Variants in EPHA4 observed in about 807,000 individuals in gnomAD.
EPHA4 encodes the protein ephrin type-A receptor 4.
Under a neutral mutation model 108.3 loss-of-function variants are expected in EPHA4, and 19 were observed. That is an observed-to-expected ratio of 0.18 (90% confidence interval 0.12 to 0.26). The LOEUF is 0.26. Ranked by LOEUF, EPHA4 falls within the 10% of genes least tolerant of loss-of-function variation. The pLI, the probability that EPHA4 is intolerant of heterozygous loss-of-function variation, is 1.00. For missense variants in EPHA4, 917 were observed against 1,254.0 expected (o/e 0.73, Z 4.06); for synonymous variants, 449 against 455.5 (o/e 0.99, Z 0.18).
chr2:221,509,069 C>T (rs1692725359), intron 3 of EPHA4, among the ~76,000 whole-genome samples: 1 of 152,226 alleles, frequency 6.6e-6, no homozygotes, highest in South Asian at 2.1e-4. Context: ...TGGCTCACAC[C>T]TGTAATCCCA....
chr2:221,555,651 G>C (rs1694283089), intron 3 of EPHA4, among the ~76,000 whole-genome samples: 1 of 152,192 alleles, frequency 6.6e-6, no homozygotes, highest in African/African-American at 2.4e-5. Context: ...AGAGGTACCA[G>C]CTGTAACAGG....
At chr2:221,560,606 C>G (rs978030716) in intron 3 of EPHA4, among the ~76,000 whole-genome samples, 1 of 152,108 alleles carries the variant, frequency 6.6e-6, no homozygotes, top group Non-Finnish European at 1.5e-5. Flanking sequence ...TAGCTATGAC[C>G]TTGGGAAGAG....
chr2:221,538,006 AG>A (rs530814657), intron 3 of EPHA4, among the ~76,000 whole-genome samples: 4 of 152,120 alleles, frequency 2.6e-5, no homozygotes, highest in Non-Finnish European at 4.4e-5. Flanking sequence ...CTAAAAAAAA[AG>A]GGGGGGTTAT....
chr2:221,506,287 T>TA (rs1236235990), intron 3 of EPHA4, among the ~76,000 whole-genome samples: 1 of 152,206 alleles, frequency 6.6e-6, no homozygotes, highest in Non-Finnish European at 1.5e-5. Context: ...TTTCATTTGT[T>TA]AAACTATTTC....
At chr2:221,439,428 G>A (rs902131385) in intron 11 of EPHA4, among the ~76,000 whole-genome samples, 17 of 151,722 alleles carry the variant, frequency 1.1e-4, no homozygotes, top group Non-Finnish European at 2.1e-4. Flanking sequence ...CCCAGGAGGC[G>A]GAGGTTACAG....
chr2:221,453,793 G>A (rs4674599), intron 8 of EPHA4, among the ~76,000 whole-genome samples: 57,908 of 152,048 alleles, frequency 0.38, 13,186 homozygotes, highest in South Asian at 0.55. Context: ...TGTACAGAAC[G>A]TGTTTTTCTA....
intron 3 of EPHA4, among the ~76,000 whole-genome samples, chr2:221,553,995 A>G (rs937704207): frequency 7.9e-5 from 12 of 152,226 alleles, no homozygotes; most frequent in Non-Finnish European, 1.6e-4. Flanking sequence ...CTTACTTCAA[A>G]TGGTATTTTA....
chr2:221,554,172 C>A (rs937125388), intron 3 of EPHA4, among the ~76,000 whole-genome samples: 3 of 152,180 alleles, frequency 2.0e-5, no homozygotes, highest in Non-Finnish European at 4.4e-5. Flanking sequence ...GTACAGAGAG[C>A]ATTCTGCTGC....
intron 3 of EPHA4, among the ~76,000 whole-genome samples, chr2:221,507,122 G>C (rs1692654446): frequency 6.6e-6 from 1 of 152,152 alleles, no homozygotes; most frequent in South Asian, 2.1e-4. Context: ...TGTAGGACAT[G>C]TTCATTTTTG....
At chr2:221,528,390 TAAC>T (rs781338412) in intron 3 of EPHA4, among the ~76,000 whole-genome samples, 1 of 152,080 alleles carries the variant, frequency 6.6e-6, no homozygotes, top group Non-Finnish European at 1.5e-5. Context: ...GCAACAGCAA[TAAC>T]AACAAAATTC....
intron 3 of EPHA4, among the ~76,000 whole-genome samples, chr2:221,545,294 T>C (rs895733275): frequency 6.6e-6 from 1 of 151,826 alleles, no homozygotes; most frequent in Non-Finnish European, 1.5e-5. Context: ...ATGGTGAAAC[T>C]CCGTCTCTAC....
intron 3 of EPHA4, among the ~76,000 whole-genome samples, chr2:221,536,548 A>G (rs1383076276): frequency 2.6e-5 from 4 of 152,190 alleles, no homozygotes; most frequent in Non-Finnish European, 5.9e-5. Context: ...CAGAGGCCAT[A>G]AGGAGGTAAT....
intron 3 of EPHA4, among the ~76,000 whole-genome samples, chr2:221,503,170 C>A (rs1016483880): frequency 6.6e-6 from 1 of 152,172 alleles, no homozygotes; most frequent in Non-Finnish European, 1.5e-5. Flanking sequence ...CAACTTGTGG[C>A]AACTCAGGAC....
chr2:221,471,522 T>G (rs1239796774), intron 5 of EPHA4, among the ~76,000 whole-genome samples: 1 of 152,176 alleles, frequency 6.6e-6, no homozygotes, highest in African/African-American at 2.4e-5. Context: ...ATTTTTGTGT[T>G]TTCTGAAATA....
At chr2:221,565,931 A>T (rs1344692649) in intron 2 of EPHA4, among the ~76,000 whole-genome samples, 1 of 152,216 alleles carries the variant, frequency 6.6e-6, no homozygotes, top group Non-Finnish European at 1.5e-5. Flanking sequence ...TTCATGCAGG[A>T]TAATTCAGGT....
At chr2:221,521,189 T>G (rs970023289) in intron 3 of EPHA4, among the ~76,000 whole-genome samples, 1 of 152,238 alleles carries the variant, frequency 6.6e-6, no homozygotes, top group Non-Finnish European at 1.5e-5. Context: ...CTGTTGTGAA[T>G]GTCAATGAAC....
chr2:221,551,632 G>C (rs368949932), intron 3 of EPHA4, among the ~76,000 whole-genome samples: 3 of 152,086 alleles, frequency 2.0e-5, no homozygotes, highest in Admixed American at 1.3e-4. Context: ...TGTTGTACAA[G>C]AGAATCCCAG....
chr2:221,456,748 T>C lies in EPHA4; in HGVS notation c.1468A>G (p.Ile490Val), dbSNP rs775171156. 33 of 1,613,788 alleles carry C rather than the reference T, an allele frequency of 2.0e-5. No homozygotes were observed. In the Middle Eastern group the frequency reaches 4.9e-4, roughly 24 times the overall value. Residue 490 changes from isoleucine to valine, a missense_variant, in exon 7 of 18, where the codon ATA (isoleucine) becomes GTA (valine). Ile to Val is a conservative substitution (Grantham distance 29). This residue lies in a region of EPHA4 where 758 missense variants were observed against 1,076.7 expected (regional missense o/e 0.70). Coordinates refer to ENST00000281821, the MANE Select transcript of EPHA4 (RefSeq NM_004438.5). ...EKDQNERSYRIVRTAARNTDI... is the reference protein window; with the variant it reads ...EKDQNERSYRVVRTAARNTDI... ...GTGTTCCTGGCAGCTGTCCGAACTA[T>C]ACGATAGCTTCGCTCATTCTGATCC...
intron 14 of EPHA4, among the ~76,000 whole-genome samples, chr2:221,433,255 CCA>C (rs1281726506): frequency 6.6e-6 from 1 of 152,136 alleles, no homozygotes; most frequent in African/African-American, 2.4e-5. Flanking sequence ...TAACATTCCA[CCA>C]CAGAGAGAAT....
Sources: gnomAD v4.1 joint callset for allele counts (sites outside exome capture counted in the v4.1 genomes callset) on GRCh38, gnomAD v4.1.1 for gene constraint, gnomAD v4.1.1 regional missense constraint, MANE v1.5 for transcripts, NCBI Gene and HGNC (gene_info 2026-07-23, HGNC 2026-07-21) for gene names.